RBMS3: variants seen among roughly 807,000 people sequenced by gnomAD.
The protein encoded by RBMS3 is RNA binding motif single stranded interacting protein 3, also known as RNA-binding motif, single-stranded-interacting protein 3.
RBMS3 carries 27 observed loss-of-function variants against 66.8 expected under a neutral mutation model. The ratio of observed to expected loss-of-function variants is 0.40; its 90% confidence interval spans 0.30 to 0.56. RBMS3 has a LOEUF of 0.56. Among genes scored for constraint, RBMS3 ranks in the 20% least tolerant of loss-of-function variants. The probability of loss-of-function intolerance (pLI) is 0.40; values close to 1 mark genes in which losing one functional copy is unlikely to be tolerated. For synonymous variants in RBMS3, 188 were observed against 183.0 expected (o/e 1.03, Z -0.22); for missense variants, 513 against 549.5 (o/e 0.93, Z 0.66).
At chr3:29,441,599 A>T (rs1210740671) in intron 2 of RBMS3, among the ~76,000 whole-genome samples, 1 of 152,204 alleles carries the variant, frequency 6.6e-6, no homozygotes, top group Non-Finnish European at 1.5e-5. Context: ...TCACTGAAAC[A>T]TTCATATAAT....
chr3:29,957,386 A>G (rs998136854), intron 12 of RBMS3, among the ~76,000 whole-genome samples: 20 of 152,174 alleles, frequency 1.3e-4, no homozygotes, highest in Non-Finnish European at 2.8e-4. Flanking sequence ...TTAGACACAC[A>G]TTCTACATAA....
At chr3:29,524,955 G>A (rs1339595940) in intron 3 of RBMS3, among the ~76,000 whole-genome samples, 1 of 151,964 alleles carries the variant, frequency 6.6e-6, no homozygotes, top group African/African-American at 2.4e-5. Flanking sequence ...TGTTCAGGGG[G>A]CTAAGGCAGG....
At chr3:29,547,007 C>T (rs1289623787) in intron 3 of RBMS3, among the ~76,000 whole-genome samples, 1 of 152,024 alleles carries the variant, frequency 6.6e-6, no homozygotes, top group Non-Finnish European at 1.5e-5. Context: ...GACAGGGTCC[C>T]ACTGGTCACC....
chr3:29,975,720 A>G (rs376492464), intron 12 of RBMS3, among the ~76,000 whole-genome samples: 2 of 152,066 alleles, frequency 1.3e-5, no homozygotes, highest in African/African-American at 4.8e-5. Flanking sequence ...CACTAAGCAC[A>G]CTATCTTAAT....
At chr3:29,708,924 C>G (rs2053031008) in intron 4 of RBMS3, among the ~76,000 whole-genome samples, 1 of 152,094 alleles carries the variant, frequency 6.6e-6, no homozygotes, top group African/African-American at 2.4e-5. Context: ...GCTAGTTGAC[C>G]CAAGGTCACG....
intron 4 of RBMS3, among the ~76,000 whole-genome samples, chr3:29,671,071 C>G (rs1309692519): frequency 6.6e-6 from 1 of 152,182 alleles, no homozygotes; most frequent in Non-Finnish European, 1.5e-5. Context: ...AAGGATCAGA[C>G]AGCAACATTT....
intron 1 of RBMS3, among the ~76,000 whole-genome samples, chr3:29,361,637 G>T (rs1307742077): frequency 1.3e-5 from 2 of 152,210 alleles, no homozygotes; most frequent in African/African-American, 4.8e-5. Flanking sequence ...ATATCTTGCA[G>T]AGTGTTTTCC....
chr3:29,285,289 G>GA (rs1002574417), intron 1 of RBMS3, among the ~76,000 whole-genome samples: 18 of 150,438 alleles, frequency 1.2e-4, no homozygotes, highest in African/African-American at 4.4e-4. Context: ...GGGGGTTCTT[G>GA]AAAAAAAATT....
At chr3:29,629,130 G>A (rs1576395563) in intron 4 of RBMS3, among the ~76,000 whole-genome samples, 1 of 152,224 alleles carries the variant, frequency 6.6e-6, no homozygotes, top group Non-Finnish European at 1.5e-5. Context: ...CCATTAAAAT[G>A]TGAAAAAATG....
intron 4 of RBMS3, among the ~76,000 whole-genome samples, chr3:29,670,923 T>G: frequency 6.6e-6 from 1 of 152,152 alleles, no homozygotes; most frequent in Non-Finnish European, 1.5e-5. Flanking sequence ...GCACGGAGTT[T>G]GAGATCTGAG....
chr3:29,694,861 T>TA (rs771474312), intron 4 of RBMS3, among the ~76,000 whole-genome samples: 7 of 147,232 alleles, frequency 4.8e-5, no homozygotes, highest in African/African-American at 1.2e-4. Context: ...AATTTTTTTT[T>TA]AAAAAAAAAA....
chr3:29,850,877 T>A (rs528674465), intron 6 of RBMS3, among the ~76,000 whole-genome samples: 1 of 152,328 alleles, frequency 6.6e-6, no homozygotes, highest in African/African-American at 2.4e-5. Context: ...GGATCCCTAC[T>A]AGTTCACTGG....
intron 1 of RBMS3, among the ~76,000 whole-genome samples, chr3:29,315,572 C>T (rs6549924): frequency 0.41 from 61,431 of 151,466 alleles, 13,306 homozygotes; most frequent in East Asian, 0.76. Flanking sequence ...TATCATATTA[C>T]GGGCATTTGC....
At chr3:29,960,841 C>G (rs921301526) in intron 12 of RBMS3, among the ~76,000 whole-genome samples, 8 of 152,144 alleles carry the variant, frequency 5.3e-5, no homozygotes, top group Admixed American at 2.6e-4. Flanking sequence ...AAGTCCTAGG[C>G]TGCACACAGT....
intron 12 of RBMS3, among the ~76,000 whole-genome samples, chr3:29,969,577 A>T (rs1249118125): frequency 6.6e-6 from 1 of 152,198 alleles, no homozygotes; most frequent in Non-Finnish European, 1.5e-5. Context: ...AGGGAAGAGA[A>T]TAGGTCATTT....
chr3:29,309,044 C>T (rs1159043787), intron 1 of RBMS3, among the ~76,000 whole-genome samples: 1 of 151,634 alleles, frequency 6.6e-6, no homozygotes, highest in Non-Finnish European at 1.5e-5. Context: ...GGTAACAGAA[C>T]ATTAATATCT....
intron 4 of RBMS3, among the ~76,000 whole-genome samples, chr3:29,635,270 C>T (rs2049433726): frequency 6.6e-6 from 1 of 151,856 alleles, no homozygotes; most frequent in East Asian, 1.9e-4. Flanking sequence ...AGACATTTCA[C>T]ATTCAAAACA....
At chr3:29,499,235 A>G (rs1289558653) in intron 3 of RBMS3, among the ~76,000 whole-genome samples, 1 of 152,192 alleles carries the variant, frequency 6.6e-6, no homozygotes, top group Non-Finnish European at 1.5e-5. Context: ...CATTTAAGGC[A>G]TGGTCAATCA....
At chr3:29,928,154 G>A (rs1342839725) in intron 10 of RBMS3, among the ~76,000 whole-genome samples, 1 of 144,190 alleles carries the variant, frequency 6.9e-6, no homozygotes, top group Admixed American at 7.1e-5. Context: ...AAAATAAGGA[G>A]AAACTGGTCT....
Sources: gnomAD v4.1 joint callset for allele counts (sites outside exome capture counted in the v4.1 genomes callset) on GRCh38, gnomAD v4.1.1 for gene constraint, MANE v1.5 for transcripts, NCBI Gene and HGNC (gene_info 2026-07-23, HGNC 2026-07-21) for gene names.